The following NTF3 variants were observed in gnomAD, a reference collection of about 807,000 sequenced individuals.
NTF3 encodes neurotrophin-3.
NTF3 carries 8 observed loss-of-function variants against 26.3 expected under a neutral mutation model. That is an observed-to-expected ratio of 0.30 (90% CI 0.18 to 0.55). The LOEUF is 0.55. Ranked by LOEUF, NTF3 falls within the 20% of genes least tolerant of loss-of-function variation. The pLI is 0.93. For synonymous variants in NTF3, 154 were observed against 145.5 expected, an observed-to-expected ratio of 1.06 and a Z score of -0.42; for missense variants, 276 against 352.9, an observed-to-expected ratio of 0.78 and a Z score of 1.75.
upstream of NTF3, among the ~76,000 whole-genome samples, chr12:5,431,537 G>C (rs994232687): frequency 2.6e-5 from 4 of 152,042 alleles, no homozygotes; most frequent in Admixed American, 1.3e-4. Context: ...GGGCGTGTTC[G>C]TGCTGTGGGG....
upstream of NTF3, among the ~76,000 whole-genome samples, chr12:5,431,305 T>C (rs1940083470): frequency 6.6e-6 from 1 of 151,398 alleles, no homozygotes; most frequent in South Asian, 2.1e-4. Context: ...AAGGAAGGGG[T>C]TTAGAAGTTG....
chr12:5,470,080 A>G (rs1297763582), intron 1 of NTF3, among the ~76,000 whole-genome samples: 1 of 152,102 alleles, frequency 6.6e-6, no homozygotes, highest in African/African-American at 2.4e-5. Flanking sequence ...GCCCGCCACC[A>G]TGCCTGGCTA....
At chr12:5,443,270 C>G (rs1007925852) in intron 1 of NTF3, among the ~76,000 whole-genome samples, 3 of 152,308 alleles carry the variant, frequency 2.0e-5, no homozygotes, top group East Asian at 3.9e-4. Context: ...AGGGCCCCCC[C>G]ATCCCCGACC....
chr12:5,432,867 G>A (rs1940114622), intron 1 of NTF3, among the ~76,000 whole-genome samples: 1 of 151,756 alleles, frequency 6.6e-6, no homozygotes, highest in African/African-American at 2.4e-5. Context: ...CAGAACTCCG[G>A]GCGGGGAGGT....
intron 1 of NTF3, among the ~76,000 whole-genome samples, chr12:5,493,757 T>A (rs1940967379): frequency 6.6e-6 from 1 of 152,104 alleles, no homozygotes; most frequent in African/African-American, 2.4e-5. Flanking sequence ...AACTCTTTCT[T>A]GAGACAATTA....
intron 1 of NTF3, among the ~76,000 whole-genome samples, chr12:5,467,189 A>G (rs1940601528): frequency 7.5e-6 from 1 of 132,536 alleles, no homozygotes; most frequent in Admixed American, 9.2e-5. Context: ...AGATCATGCC[A>G]CTGCACTCCA....
intron 1 of NTF3, among the ~76,000 whole-genome samples, chr12:5,479,665 T>A (rs956581544): frequency 6.6e-6 from 1 of 152,206 alleles, no homozygotes; most frequent in Admixed American, 6.5e-5. Context: ...GGCTTTAACA[T>A]AGCAAAAGCC....
intron 1 of NTF3, among the ~76,000 whole-genome samples, chr12:5,489,901 GCT>G (rs780752634): frequency 3.1e-4 from 47 of 152,180 alleles, no homozygotes; most frequent in Non-Finnish European, 4.1e-4. Flanking sequence ...ATCAGAAATT[GCT>G]CTCTTTTGAG....
intron 1 of NTF3, among the ~76,000 whole-genome samples, chr12:5,436,880 T>C (rs563841473): frequency 1.7e-4 from 26 of 152,370 alleles, no homozygotes; most frequent in African/African-American, 5.3e-4. Flanking sequence ...ATCAATGTTA[T>C]TAATGATCAG....
intron 1 of NTF3, among the ~76,000 whole-genome samples, chr12:5,459,002 T>C (rs1591597560): frequency 6.6e-6 from 1 of 152,266 alleles, no homozygotes; most frequent in East Asian, 1.9e-4. Context: ...CCATGGAAAA[T>C]CCCACTCGCC....
At chr12:5,475,075 G>A (rs1480393368) in intron 1 of NTF3, among the ~76,000 whole-genome samples, 1 of 152,152 alleles carries the variant, frequency 6.6e-6, no homozygotes, top group Admixed American at 6.5e-5. Flanking sequence ...ATAGGACGGA[G>A]GTCTGTGCCT....
chr12:5,478,117 G>A (rs1940745954), intron 1 of NTF3, among the ~76,000 whole-genome samples: 1 of 152,178 alleles, frequency 6.6e-6, no homozygotes, highest in Admixed American at 6.5e-5. Flanking sequence ...ATTGAAAAGT[G>A]GTTATTTACT....
intron 1 of NTF3, among the ~76,000 whole-genome samples, chr12:5,488,227 G>A (rs1940891884): frequency 6.6e-6 from 1 of 152,170 alleles, no homozygotes; most frequent in African/African-American, 2.4e-5. Flanking sequence ...TAACCCCAGT[G>A]AGTTAACCTA....
chr12:5,463,028 G>T lies in NTF3; in HGVS notation c.18+30686G>T, dbSNP rs74661909. ...AGGAGGACAGGCTTCTTTGGAAAAG[G>T]TTTCACCATAGATTACCTCAATCCA... On this transcript the variant is annotated intron_variant, in intron 1 of 1. Transcript: ENST00000423158. Among the ~76,000 whole-genome samples, 9 of 152,226 alleles carry T rather than the reference G, an allele frequency of 5.9e-5. No homozygotes were observed. The East Asian group carries it at 1.7e-3, about 29-fold the overall frequency.
intron 1 of NTF3, among the ~76,000 whole-genome samples, chr12:5,462,559 G>A (rs745784051): frequency 6.6e-6 from 1 of 152,188 alleles, no homozygotes; most frequent in Non-Finnish European, 1.5e-5. Context: ...AGCCAAGTAT[G>A]AATTTGCAGC....
chr12:5,485,043 A>G (rs1243679051), intron 1 of NTF3, among the ~76,000 whole-genome samples: 1 of 152,256 alleles, frequency 6.6e-6, no homozygotes, highest in Admixed American at 6.5e-5. Context: ...CATTTTTAAA[A>G]ATGAGTCTTT....
At chr12:5,484,212 T>G (rs1255815656) in intron 1 of NTF3, among the ~76,000 whole-genome samples, 1 of 152,210 alleles carries the variant, frequency 6.6e-6, no homozygotes, top group Non-Finnish European at 1.5e-5. Context: ...TGATTGGTTT[T>G]GGGCAAGTCA....
intron 1 of NTF3, among the ~76,000 whole-genome samples, chr12:5,470,968 T>C (rs1050764083): frequency 1.3e-5 from 2 of 152,188 alleles, no homozygotes; most frequent in African/African-American, 4.8e-5. Context: ...AACACCTGCT[T>C]TGAGCTCCTT....
intron 1 of NTF3, among the ~76,000 whole-genome samples, chr12:5,448,439 C>T (rs915735524): frequency 5.9e-5 from 9 of 152,148 alleles, no homozygotes; most frequent in African/African-American, 1.7e-4. Context: ...CGACATGCCT[C>T]GGATGTGGCT....
Sources: allele counts gnomAD v4.1 joint callset (sites outside exome capture counted in the v4.1 genomes callset), GRCh38; gene constraint gnomAD v4.1.1; transcripts MANE v1.5; gene names NCBI Gene and HGNC (gene_info 2026-07-23, HGNC 2026-07-21).